Variants in MAP2K5 observed in about 807,000 individuals in gnomAD.
MAP2K5 encodes dual specificity mitogen-activated protein kinase kinase 5.
MAP2K5 carries 49 observed loss-of-function variants against 83.1 expected under a neutral mutation model. That is an observed-to-expected ratio of 0.59 (90% CI 0.47 to 0.75). MAP2K5 has a LOEUF of 0.75. Among genes scored for constraint, MAP2K5 ranks in the 30% least tolerant of loss-of-function variants. The probability of loss-of-function intolerance (pLI) is 0.00; values close to 1 mark genes in which losing one functional copy is unlikely to be tolerated. For synonymous variants in MAP2K5, 202 were observed against 191.8 expected (o/e 1.05, Z -0.44); for missense variants, 457 against 557.5 (o/e 0.82, Z 1.82).
chr15:67,652,488 A>G lies in MAP2K5; in HGVS notation c.736+6019A>G, dbSNP rs1426743375. ...GGTCCCAGACACTTTTTAACAACCA[A>G]ATCTTGCAGGAACTTAGAGTGAGAG... On this transcript the variant is annotated intron_variant, in intron 11 of 21. Coordinates refer to ENST00000178640, the MANE Select transcript of MAP2K5 (RefSeq NM_145160.3). This position sits in a 1 kb window ranked among gnomAD's most constrained non-coding sequence, Gnocchi z 4.2. Among the ~76,000 whole-genome samples, 2 of 152,152 alleles carry G rather than the reference A, an allele frequency of 1.3e-5. No homozygotes were observed. The highest frequency in any genetic ancestry group is 2.9e-5 in the Non-Finnish European group (2 of 68,030).
At chr15:67,671,596 G>A (rs999165945) in intron 13 of MAP2K5, among the ~76,000 whole-genome samples, 9 of 151,990 alleles carry the variant, frequency 5.9e-5, no homozygotes, top group African/African-American at 2.2e-4. Flanking sequence ...AATTAATAAG[G>A]AATTATAATA....
intron 15 of MAP2K5, among the ~76,000 whole-genome samples, chr15:67,695,384 A>G (rs985616302): frequency 6.6e-6 from 1 of 152,190 alleles, no homozygotes; most frequent in Non-Finnish European, 1.5e-5. Flanking sequence ...AGAATAGCTC[A>G]TTTTTGTCTT....
intron 19 of MAP2K5, among the ~76,000 whole-genome samples, chr15:67,752,241 A>T (rs1331741698): frequency 6.6e-6 from 1 of 151,638 alleles, no homozygotes; most frequent in Non-Finnish European, 1.5e-5. Context: ...AATTTTTTGT[A>T]TTATTAGTAG....
At chr15:67,568,814 G>A (rs975626804) in intron 3 of MAP2K5, among the ~76,000 whole-genome samples, 3 of 151,908 alleles carry the variant, frequency 2.0e-5, no homozygotes, top group African/African-American at 7.3e-5. Context: ...TGACCATCCT[G>A]ACTAACACTG....
In MAP2K5 at chr15:67,677,719, C is replaced by T. The variant is rs1248606805; in HGVS notation, c.847+13074C>T. On this transcript the variant is annotated intron_variant, in intron 13 of 21. Transcript: ENST00000178640. This position sits in a 1 kb window ranked among gnomAD's most constrained non-coding sequence, Gnocchi z 4.2. ...CACTGACCAGAATATGTACACATCA[C>T]AGGTAGGAATCTAAGATTCACCACT... 6.6e-6 allele frequency among the ~76,000 whole-genome samples: 1 copy of T among 152,184 alleles called. No individual in the cohort carries two copies. The highest frequency in any genetic ancestry group is 1.5e-5 in the Non-Finnish European group (1 of 68,040).
intron 3 of MAP2K5, among the ~76,000 whole-genome samples, chr15:67,579,946 G>T (rs1702348869): frequency 6.6e-6 from 1 of 152,180 alleles, no homozygotes; most frequent in East Asian, 1.9e-4. Flanking sequence ...TTTCATTGTG[G>T]ATATTTTTCC....
chr15:67,705,800 T>C (rs1390032981), intron 16 of MAP2K5, among the ~76,000 whole-genome samples: 1 of 151,392 alleles, frequency 6.6e-6, no homozygotes, highest in Non-Finnish European at 1.5e-5. Context: ...CTTGAGCAGA[T>C]ACTTGAATGC....
At chr15:67,691,960 TAGC>T (rs2088125065) in intron 13 of MAP2K5, among the ~76,000 whole-genome samples, 1 of 152,236 alleles carries the variant, frequency 6.6e-6, no homozygotes, top group Non-Finnish European at 1.5e-5. Flanking sequence ...ACATGTGAAA[TAGC>T]AGTACTACAT....
chr15:67,560,599 A>G (rs1430599494), intron 2 of MAP2K5, among the ~76,000 whole-genome samples: 1 of 152,148 alleles, frequency 6.6e-6, no homozygotes, highest in Non-Finnish European at 1.5e-5. Flanking sequence ...ACATTTTATC[A>G]CTGGGTTGAT....
chr15:67,712,470 G>A (rs772187945), intron 16 of MAP2K5, among the ~76,000 whole-genome samples: 1 of 152,184 alleles, frequency 6.6e-6, no homozygotes, highest in Non-Finnish European at 1.5e-5. Context: ...AATTTGGATG[G>A]CCAGAAAACT....
intron 13 of MAP2K5, among the ~76,000 whole-genome samples, chr15:67,678,373 A>G (rs2087731750): frequency 6.6e-6 from 1 of 152,126 alleles, no homozygotes; most frequent in African/African-American, 2.4e-5. Context: ...AGTTGAAGAG[A>G]AGTTTATTTC....
rs995675868 is a variant in MAP2K5, at chr15:67,768,894, T to A, written c.1135-708T>A. Reference sequence around the variant, plus strand: ...CGGTAATGGGGTTTGCTCTTTGTATTATGTGGTGGTGGTTGTTTGTTGCTG... The same window carrying A: ...CGGTAATGGGGTTTGCTCTTTGTATAATGTGGTGGTGGTTGTTTGTTGCTG... On this transcript the variant is annotated intron_variant, in intron 19 of 21. Transcript: ENST00000178640. The surrounding 1 kb of genome is among the most constrained non-coding windows in gnomAD (Gnocchi z 4.0). 6.6e-6 allele frequency among the ~76,000 whole-genome samples: 1 copy of A among 152,214 alleles called. No homozygotes were observed. Among genetic ancestry groups the A allele is most frequent in the African/African-American group, 2.4e-5 (1 of 41,454 alleles).
Position 67,543,575 on chromosome 15 carries a change from C to T in MAP2K5, c.135+105C>T, listed in dbSNP as rs2140935508. The T allele has an allele frequency of 7.4e-7, 1 of 1,346,266 alleles. No individual in the cohort carries two copies. The highest frequency in any genetic ancestry group is 1.0e-6 in the Non-Finnish European group (1 of 961,556). The allele number at this position is 1,346,266 out of a possible 1,614,324, so 83.4% of individuals were successfully genotyped here. A position where few individuals can be genotyped will look rare whatever the true frequency, so the allele number is the denominator to read the frequency against. ...CCTGAGCCAGTGGCAATGGCTACTG[C>T]TGGCTTCCTGTGGAGGCAGTTTTAT... On this transcript the variant is annotated intron_variant, in intron 1 of 21. Coordinates refer to ENST00000178640, the MANE Select transcript of MAP2K5 (RefSeq NM_145160.3). This position sits in a 1 kb window ranked among gnomAD's most constrained non-coding sequence, Gnocchi z 4.3.
intron 4 of MAP2K5, 72 bp from the exon 5 acceptor site, chr15:67,585,818 T>G: frequency 2.9e-6 from 4 of 1,361,266 alleles, no homozygotes; most frequent in Non-Finnish European, 4.2e-6. Flanking sequence ...CATTTCTTTT[T>G]AAACGATTCA....
chr15:67,758,849 A>G lies in MAP2K5; in HGVS notation c.1134+10248A>G, dbSNP rs551650988. ...TTACATTATACTATCACTGATTTGA[A>G]GAAAGTACAAAGTGACCACTGAACA... On this transcript the variant is annotated intron_variant, in intron 19 of 21. Transcript: ENST00000178640. The surrounding 1 kb of genome is among the most constrained non-coding windows in gnomAD (Gnocchi z 4.7). Among the ~76,000 whole-genome samples the G allele has an allele frequency of 5.3e-5, 8 of 152,352 alleles. No individual in the cohort carries two copies. Among genetic ancestry groups the G allele is most frequent in the African/African-American group, 1.9e-4 (8 of 41,580 alleles).
chr15:67,727,619 C>T (rs768336892), intron 16 of MAP2K5, among the ~76,000 whole-genome samples: 2 of 152,118 alleles, frequency 1.3e-5, no homozygotes, highest in African/African-American at 2.4e-5. Flanking sequence ...GTCACACACA[C>T]GTAAATGTGA....
chr15:67,566,740 G>A (rs544053653), intron 3 of MAP2K5, among the ~76,000 whole-genome samples: 1 of 152,340 alleles, frequency 6.6e-6, no homozygotes. Flanking sequence ...CTTTGGGCCA[G>A]TACAAGTGTA....
intron 17 of MAP2K5, among the ~76,000 whole-genome samples, chr15:67,739,449 TATATATATATA>T (rs2089430496): frequency 1.3e-4 from 2 of 15,118 alleles, no homozygotes; most frequent in Non-Finnish European, 2.3e-4. Flanking sequence ...TATATATATA[TATATATATATA>T]TATTTTTTTT....
At chr15:67,735,672 G>T (rs1349823948) in intron 17 of MAP2K5, among the ~76,000 whole-genome samples, 1 of 152,212 alleles carries the variant, frequency 6.6e-6, no homozygotes, top group African/African-American at 2.4e-5. Flanking sequence ...AACCAAGAGG[G>T]TTTCACAGAG....
Sources: allele counts gnomAD v4.1 joint callset (sites outside exome capture counted in the v4.1 genomes callset), GRCh38; gene constraint gnomAD v4.1.1; non-coding constraint Gnocchi (gnomAD v3.1); transcripts MANE v1.5; gene names NCBI Gene and HGNC (gene_info 2026-07-23, HGNC 2026-07-21).